The following TBL1XR1 variants were observed in gnomAD, a reference collection of about 807,000 sequenced individuals.
TBL1XR1 encodes TBL1X/Y related 1.
In TBL1XR1, 5 loss-of-function variants were observed where a neutral mutation model predicts 66.9. The ratio of observed to expected loss-of-function variants is 0.07; its 90% CI spans 0.04 to 0.16. The LOEUF (loss-of-function observed/expected upper bound fraction) is 0.16, where lower values mean the gene tolerates loss of function less well. TBL1XR1 is among the 10% of genes least tolerant of loss of function. The probability of loss-of-function intolerance (pLI) is 1.00; values close to 1 mark genes in which losing one functional copy is unlikely to be tolerated. For synonymous variants in TBL1XR1, 210 were observed against 206.0 expected (o/e 1.02, Z -0.17); for missense variants, 238 against 623.2 (o/e 0.38, Z 6.58).
intron 10 of TBL1XR1, among the ~76,000 whole-genome samples, chr3:177,040,433 A>G (rs1715423357): frequency 6.6e-6 from 1 of 152,244 alleles, no homozygotes; most frequent in South Asian, 2.1e-4. Flanking sequence ...AAACTCCCTC[A>G]TTGTGTATAT....
intron 1 of TBL1XR1, among the ~76,000 whole-genome samples, chr3:177,112,107 A>ATATATTTTTTT: frequency 3.2e-4 from 12 of 37,642 alleles, no homozygotes; most frequent in Admixed American, 1.2e-3. Flanking sequence ...ATATATATAT[A>ATATATTTTTTT]TTTTTTTTTT....
At chr3:177,068,355 T>C (rs189563558) in intron 2 of TBL1XR1, among the ~76,000 whole-genome samples, 3 of 152,340 alleles carry the variant, frequency 2.0e-5, no homozygotes, top group South Asian at 2.1e-4. Flanking sequence ...ATTCAAACCA[T>C]AGCTATATTA....
chr3:177,195,771 CCCA>C (rs1337912688), intron 1 of TBL1XR1: 2 of 151,948 alleles, frequency 1.3e-5, no homozygotes, highest in Admixed American at 6.6e-5. Flanking sequence ...ATTTTCACCC[CCCA>C]CATTTTATTA....
At chr3:177,155,213 T>TA (rs1452961785) in intron 1 of TBL1XR1, among the ~76,000 whole-genome samples, 1 of 152,152 alleles carries the variant, frequency 6.6e-6, no homozygotes, top group African/African-American at 2.4e-5. Flanking sequence ...AAGAAAGCGC[T>TA]AATATCAATG....
intron 10 of TBL1XR1, chr3:177,044,980 A>T (rs1050877420): frequency 1.3e-5 from 2 of 152,222 alleles, no homozygotes; most frequent in Non-Finnish European, 2.9e-5. Context: ...AAGGAAGCAC[A>T]ACAGGTGAAC....
At chr3:177,109,369 G>A (rs1365659183) in intron 1 of TBL1XR1, among the ~76,000 whole-genome samples, 1 of 152,046 alleles carries the variant, frequency 6.6e-6, no homozygotes, top group Admixed American at 6.6e-5. Context: ...TAAGAGAATA[G>A]GAAGAAATGT....
chr3:177,182,628 C>T (rs1346434669), intron 1 of TBL1XR1, among the ~76,000 whole-genome samples: 6 of 152,052 alleles, frequency 3.9e-5, no homozygotes, highest in Admixed American at 6.6e-5. Context: ...GTGAGAGAGA[C>T]CTGTTTTCAA....
chr3:177,111,977 C>A (rs1337674860), intron 1 of TBL1XR1, among the ~76,000 whole-genome samples: 5 of 148,004 alleles, frequency 3.4e-5, no homozygotes, highest in African/African-American at 1.2e-4. Context: ...CTGCTAAGAT[C>A]CTTTGAAGCC....
intron 1 of TBL1XR1, among the ~76,000 whole-genome samples, chr3:177,167,864 T>C (rs560985526): frequency 6.6e-5 from 10 of 152,228 alleles, no homozygotes; most frequent in Admixed American, 5.2e-4. Context: ...AGGTGGAGGC[T>C]GCAGTGAGTC....
At chr3:177,042,563 A>C (rs1715734271) in intron 10 of TBL1XR1, among the ~76,000 whole-genome samples, 1 of 152,190 alleles carries the variant, frequency 6.6e-6, no homozygotes, top group South Asian at 2.1e-4. Context: ...TTATAGATTG[A>C]TGTAATCAAA....
At chr3:177,142,049 G>A (rs946289472) in intron 1 of TBL1XR1, among the ~76,000 whole-genome samples, 4 of 152,202 alleles carry the variant, frequency 2.6e-5, no homozygotes, top group Non-Finnish European at 5.9e-5. Context: ...GGCTAGAGGC[G>A]AGAGGAATGA....
At chr3:177,152,327 C>CT (rs1028436090) in intron 1 of TBL1XR1, among the ~76,000 whole-genome samples, 8 of 151,922 alleles carry the variant, frequency 5.3e-5, no homozygotes, top group African/African-American at 9.6e-5. Context: ...CAAGGCCCAC[C>CT]TTTTTTTTCA....
intron 1 of TBL1XR1, among the ~76,000 whole-genome samples, chr3:177,192,813 T>C (rs1394664178): frequency 1.3e-5 from 2 of 152,204 alleles, no homozygotes; most frequent in African/African-American, 2.4e-5. Flanking sequence ...CTGGATCTTC[T>C]TAACTCTATG....
At chr3:177,157,277 T>A (rs1190790580) in intron 1 of TBL1XR1, among the ~76,000 whole-genome samples, 1 of 152,178 alleles carries the variant, frequency 6.6e-6, no homozygotes, top group Non-Finnish European at 1.5e-5. Context: ...TTTTGACTTT[T>A]CTAGACTCTG....
At position 177,148,162 on chromosome 3, in the gene TBL1XR1, AAC is replaced by A. The variant is rs1730470879; in HGVS notation, c.-122+48957_-122+48958del. 2.6e-5 allele frequency among the ~76,000 whole-genome samples: 4 copies of A among 152,344 alleles called. No individual in the cohort carries two copies. The South Asian group carries it at 8.3e-4, about 32-fold the overall frequency. On this transcript the variant is annotated intron_variant, in intron 1 of 15. Transcript: ENST00000457928. ...TAACCAACTCACCAATTTAGAATATAACACAAACTTTTTATAAATTGTAGATT... is the reference window on the plus strand; with the variant it reads ...TAACCAACTCACCAATTTAGAATATAACAAACTTTTTATAAATTGTAGATT...
chr3:177,196,828 CAT>C (rs1283698214), intron 1 of TBL1XR1, among the ~76,000 whole-genome samples: 3 of 151,390 alleles, frequency 2.0e-5, no homozygotes, highest in Non-Finnish European at 4.4e-5. Flanking sequence ...TCGGGGACAA[CAT>C]AATTAGGGTG....
In TBL1XR1 at chr3:177,024,630, T is replaced by C. The variant is rs2108370178; in HGVS notation, c.*868A>G. 1 of 149,212 alleles carries C rather than the reference T, an allele frequency of 6.7e-6. No homozygotes were observed. Among genetic ancestry groups the C allele is most frequent in the South Asian group, 2.1e-4 (1 of 4,764 alleles). 9.2% of individuals were successfully genotyped at this position (149,212 alleles called of 1,614,324 possible). A position where few individuals can be genotyped will look rare whatever the true frequency, so the allele number is the denominator to read the frequency against. On this transcript the variant is annotated 3_prime_UTR_variant, in exon 16 of 16. Coordinates refer to ENST00000457928, the MANE Select transcript of TBL1XR1 (RefSeq NM_024665.7). ...TCTATGGTAATTAAAAAAAAAGTTG[T>C]GCCCTTCTAGTCTTTAATTGGCAGA...
At chr3:177,185,199 A>G (rs1735260063) in intron 1 of TBL1XR1, among the ~76,000 whole-genome samples, 1 of 152,210 alleles carries the variant, frequency 6.6e-6, no homozygotes, top group Admixed American at 6.5e-5. Context: ...AGTCTCTTCC[A>G]CAGCTTTCTA....
In TBL1XR1 at chr3:177,024,494, C is replaced by G. The variant is rs1712804955; in HGVS notation, c.*1004G>C. ...CTCTTAAAAAACAAAGCAAAACAAACAAACAACAAAAAACCCAAAACTACG... is the reference window on the plus strand; with the variant it reads ...CTCTTAAAAAACAAAGCAAAACAAAGAAACAACAAAAAACCCAAAACTACG... On this transcript the variant is annotated 3_prime_UTR_variant, in exon 16 of 16. Transcript: ENST00000457928. 6.6e-6 allele frequency: 1 copy of G among 152,258 alleles called. No homozygotes were observed. Among genetic ancestry groups the G allele is most frequent in the Non-Finnish European group, 1.5e-5 (1 of 67,916 alleles). The allele number at this position is 152,258 out of a possible 1,614,324, so 9.4% of individuals were successfully genotyped here. A position where few individuals can be genotyped will look rare whatever the true frequency, so the allele number is the denominator to read the frequency against.
Sources: allele counts gnomAD v4.1 joint callset (sites outside exome capture counted in the v4.1 genomes callset), GRCh38; gene constraint gnomAD v4.1.1; transcripts MANE v1.5; gene names NCBI Gene and HGNC (gene_info 2026-07-23, HGNC 2026-07-21).